Variants in FAM135B observed in about 807,000 individuals in gnomAD.
FAM135B encodes the protein protein FAM135B.
In FAM135B, 43 loss-of-function variants were observed where a neutral mutation model predicts 127.7. That is an observed-to-expected ratio of 0.34 (90% confidence interval 0.26 to 0.43). The LOEUF (loss-of-function observed/expected upper bound fraction) is 0.43. Ranked by LOEUF, FAM135B falls within the 20% of genes least tolerant of loss-of-function variation. The pLI, the probability that FAM135B is intolerant of heterozygous loss-of-function variation, is 1.00. For missense variants in FAM135B, 1,558 were observed against 1,725.6 expected (o/e 0.90, Z 1.72); for synonymous variants, 670 against 665.1 (o/e 1.01, Z -0.11).
intron 1 of FAM135B, among the ~76,000 whole-genome samples, chr8:138,392,126 G>A (rs1832612408): frequency 1.3e-5 from 2 of 152,176 alleles, no homozygotes; most frequent in South Asian, 2.1e-4. Context: ...TTCAGATAAC[G>A]TCTGGAATGT....
chr8:138,231,164 G>A (rs1819881665), intron 7 of FAM135B, among the ~76,000 whole-genome samples: 1 of 151,898 alleles, frequency 6.6e-6, no homozygotes, highest in African/African-American at 2.4e-5. Context: ...GGGACTACAG[G>A]TTCATGCCAC....
chr8:138,404,105 G>C (rs1398824704), intron 1 of FAM135B, among the ~76,000 whole-genome samples: 2 of 152,176 alleles, frequency 1.3e-5, no homozygotes, highest in East Asian at 3.9e-4. Context: ...TGCAGGTTCA[G>C]TGCCAGACCA....
At chr8:138,285,795 T>C (rs1824639339) in intron 3 of FAM135B, among the ~76,000 whole-genome samples, 2 of 152,376 alleles carry the variant, frequency 1.3e-5, no homozygotes, top group Middle Eastern at 3.4e-3. Context: ...CCATCAATAC[T>C]GCAGAATGTT....
intron 3 of FAM135B, among the ~76,000 whole-genome samples, chr8:138,309,837 C>G (rs1367348335): frequency 6.7e-6 from 1 of 149,850 alleles, no homozygotes; most frequent in Non-Finnish European, 1.5e-5. Flanking sequence ...TACCCTCTAC[C>G]CTACTCTTTA....
intron 1 of FAM135B, among the ~76,000 whole-genome samples, chr8:138,477,872 T>C (rs1022986746): frequency 6.6e-6 from 1 of 152,170 alleles, no homozygotes; most frequent in Non-Finnish European, 1.5e-5. Flanking sequence ...ATCAGAAATA[T>C]GGACATCATG....
rs190653546 is a variant in FAM135B at position 138,179,869 on chromosome 8, C to G, written c.874-1179G>C. ...GCACCCAGACAACTTTTTGTAGAGACGGGGTCTCACTGTGTTGCCCAGGCT... is the reference window on the plus strand; with the variant it reads ...GCACCCAGACAACTTTTTGTAGAGAGGGGGTCTCACTGTGTTGCCCAGGCT... On this transcript the variant is annotated intron_variant, in intron 9 of 19. Coordinates refer to ENST00000395297, the MANE Select transcript of FAM135B (RefSeq NM_015912.4). Among the ~76,000 whole-genome samples the G allele has an allele frequency of 3.4e-3, 513 of 152,132 alleles. 1 individual carries two copies. Among genetic ancestry groups the G allele is most frequent in the Non-Finnish European group, 4.3e-3 (294 of 68,018 alleles).
At chr8:138,322,856 C>A (rs548525526) in intron 2 of FAM135B, among the ~76,000 whole-genome samples, 4 of 152,110 alleles carry the variant, frequency 2.6e-5, no homozygotes, top group Admixed American at 2.6e-4. Context: ...CACTGTGATG[C>A]GGAGGTGAAA....
At chr8:138,452,765 G>A (rs575932071) in intron 1 of FAM135B, among the ~76,000 whole-genome samples, 5 of 152,214 alleles carry the variant, frequency 3.3e-5, no homozygotes, top group East Asian at 1.9e-4. Flanking sequence ...CTCAAGGCTC[G>A]ACTGGGGCTG....
Position 138,141,423 on chromosome 8 carries a change from A to G in FAM135B, c.3639-74T>C, listed in dbSNP as rs1563675384. The G allele has an allele frequency of 5.5e-6, 8 of 1,464,996 alleles. No individual in the cohort carries two copies. Among genetic ancestry groups the G allele is most frequent in the Non-Finnish European group, 6.6e-6 (7 of 1,054,778 alleles). The allele number at this position is 1,464,996 out of a possible 1,614,324, so 90.7% of individuals were successfully genotyped here. A position where few individuals can be genotyped will look rare whatever the true frequency, so the allele number is the denominator to read the frequency against. On this transcript the variant is annotated intron_variant, in intron 16 of 19. Coordinates refer to ENST00000395297, the MANE Select transcript of FAM135B (RefSeq NM_015912.4). This position sits in a 1 kb window ranked among gnomAD's most constrained non-coding sequence, Gnocchi z 4.7. ...TGCCCAAGAGTGCAGTGCTGGAAGC[A>G]TCAGGGGCCATTGTTCTCCACCTCC...
At chr8:138,305,881 T>C (rs1826212850) in intron 3 of FAM135B, among the ~76,000 whole-genome samples, 1 of 152,202 alleles carries the variant, frequency 6.6e-6, no homozygotes, top group African/African-American at 2.4e-5. Flanking sequence ...GACATTTATA[T>C]GTATAGGAAG....
At chr8:138,142,386 C>A (rs1405675818) in intron 16 of FAM135B, among the ~76,000 whole-genome samples, 1 of 144,572 alleles carries the variant, frequency 6.9e-6, no homozygotes, top group East Asian at 2.2e-4. Context: ...TCACTGCAAG[C>A]TCTGCCTCCC....
chr8:138,461,784 G>T (rs1363846442), intron 1 of FAM135B, among the ~76,000 whole-genome samples: 1 of 152,074 alleles, frequency 6.6e-6, no homozygotes, highest in Non-Finnish European at 1.5e-5. Flanking sequence ...TCCTCTACAA[G>T]ACATAGCCAC....
intron 1 of FAM135B, among the ~76,000 whole-genome samples, chr8:138,391,794 C>T (rs1832593800): frequency 6.6e-6 from 1 of 152,202 alleles, no homozygotes; most frequent in Non-Finnish European, 1.5e-5. Flanking sequence ...TTATCATCAT[C>T]CCCATTTACA....
rs1305270498 is a variant in FAM135B at position 138,141,829 on chromosome 8, G to A, written c.3639-480C>T. On this transcript the variant is annotated intron_variant, in intron 16 of 19. Transcript: ENST00000395297. The surrounding 1 kb of genome is among the most constrained non-coding windows in gnomAD (Gnocchi z 4.7). Reference sequence around the variant, plus strand: ...CACCTGCTCACAGCCCATGCTGTTAGACCCCCTCCTGCAGGCTCTGCTCCA... The same window carrying A: ...CACCTGCTCACAGCCCATGCTGTTAAACCCCCTCCTGCAGGCTCTGCTCCA... Among the ~76,000 whole-genome samples the A allele has an allele frequency of 6.6e-6, 1 of 152,108 alleles. No individual in the cohort carries two copies.
At chr8:138,329,153 A>G (rs1828001025) in intron 2 of FAM135B, among the ~76,000 whole-genome samples, 4 of 152,198 alleles carry the variant, frequency 2.6e-5, no homozygotes, top group Admixed American at 2.6e-4. Context: ...GATGTTGGGT[A>G]GGTAAATAGG....
chr8:138,263,249 T>C (rs960640585), intron 4 of FAM135B, among the ~76,000 whole-genome samples: 8 of 152,202 alleles, frequency 5.3e-5, no homozygotes, highest in Non-Finnish European at 8.8e-5. Context: ...AAGTGGTCCG[T>C]ACCCGTGGCT....
chr8:138,271,034 T>G (rs974591203), intron 3 of FAM135B, among the ~76,000 whole-genome samples: 2 of 152,328 alleles, frequency 1.3e-5, no homozygotes, highest in East Asian at 3.9e-4. Context: ...ACTGATGAGA[T>G]TCATTTCTAT....
chr8:138,283,052 C>T (rs2130752103), intron 3 of FAM135B, among the ~76,000 whole-genome samples: 1 of 152,210 alleles, frequency 6.6e-6, no homozygotes, highest in African/African-American at 2.4e-5. Flanking sequence ...AGGCACGTGC[C>T]ACCATGCCCA....
intron 1 of FAM135B, among the ~76,000 whole-genome samples, chr8:138,434,294 A>G (rs1835350029): frequency 6.6e-6 from 1 of 152,202 alleles, no homozygotes; most frequent in African/African-American, 2.4e-5. Flanking sequence ...GATTTATTCA[A>G]TTCTGAGCTT....
Sources: allele counts gnomAD v4.1 joint callset (sites outside exome capture counted in the v4.1 genomes callset), GRCh38; gene constraint gnomAD v4.1.1; non-coding constraint Gnocchi (gnomAD v3.1); transcripts MANE v1.5; gene names NCBI Gene and HGNC (gene_info 2026-07-23, HGNC 2026-07-21).